The following LRP6 variants were observed in gnomAD, a reference collection of about 807,000 sequenced individuals.
The protein encoded by LRP6 is LDL receptor related protein 6.
LRP6 carries 43 observed loss-of-function variants against 184.1 expected under a neutral mutation model. The ratio of observed to expected loss-of-function variants is 0.23; its 90% CI spans 0.18 to 0.30. The LOEUF is 0.30. Ranked by LOEUF, LRP6 falls within the 10% of genes least tolerant of loss-of-function variation. LRP6 has a pLI of 1.00. For synonymous variants in LRP6, 719 were observed against 684.9 expected (o/e 1.05, Z -0.78); for missense variants, 1,571 against 2,005.3 (o/e 0.78, Z 4.14).
intron 2 of LRP6, among the ~76,000 whole-genome samples, chr12:12,236,623 G>T (rs927931824): frequency 6.6e-6 from 1 of 152,148 alleles, no homozygotes; most frequent in African/African-American, 2.4e-5. Context: ...CTCCAACACT[G>T]CAGGCACCCG....
chr12:12,132,965 T>A (rs1426670247), intron 17 of LRP6, among the ~76,000 whole-genome samples: 1 of 152,202 alleles, frequency 6.6e-6, no homozygotes, highest in African/African-American at 2.4e-5. Flanking sequence ...CCCATAACCT[T>A]ATGATGTGAC....
At chr12:12,131,248 C>T (rs1399014416) in intron 18 of LRP6, among the ~76,000 whole-genome samples, 1 of 152,038 alleles carries the variant, frequency 6.6e-6, no homozygotes, top group Admixed American at 6.6e-5. Flanking sequence ...GCTGGGACTA[C>T]AGGCGTCTGC....
At chr12:12,187,371 ACAAGATACCCGG>A (rs1235049023) in intron 3 of LRP6, 2 of 507,716 alleles carry the variant, frequency 3.9e-6, no homozygotes, top group East Asian at 7.3e-5. Context: ...CAAGTTCAGT[ACAAGATACCCGG>A]CAGAGAGAGA....
rs562136208 is a variant in LRP6 at position 12,118,333 on chromosome 12, C to A, written c.*2793G>T. On this transcript the variant is annotated 3_prime_UTR_variant, in exon 23 of 23. Transcript: ENST00000261349. The stretch of plus-strand genomic sequence containing the variant: ...AGGCCTTAGTTATAAAAGACCACTT[C>A]AATGCAGAATAGCTTACTGTGGTGC... The A allele has an allele frequency of 7.9e-5, 12 of 152,316 alleles. 1 individual carries two copies. In the South Asian group the frequency reaches 2.3e-3, roughly 29 times the overall value. 9.4% of individuals were successfully genotyped at this position (152,316 alleles called of 1,614,324 possible).
At chr12:12,166,374 G>A (rs1862878257) in intron 7 of LRP6, among the ~76,000 whole-genome samples, 1 of 152,274 alleles carries the variant, frequency 6.6e-6, no homozygotes, top group East Asian at 1.9e-4. Context: ...ACTTAACAGT[G>A]AACCTATGTC....
chr12:12,205,991 T>C (rs1864047042), intron 2 of LRP6, among the ~76,000 whole-genome samples: 1 of 152,240 alleles, frequency 6.6e-6, no homozygotes, highest in South Asian at 2.1e-4. Flanking sequence ...ATACCTTTTC[T>C]ATGTTTAGAT....
chr12:12,134,916 T>C (rs1161366428), intron 17 of LRP6, among the ~76,000 whole-genome samples: 9 of 152,148 alleles, frequency 5.9e-5, no homozygotes, highest in Admixed American at 5.2e-4. Context: ...AAGCTAGGCA[T>C]AGAAACACAA....
At chr12:12,249,381 A>G in intron 1 of LRP6, 1 of 978,402 alleles carries the variant, frequency 1.0e-6, no homozygotes, top group South Asian at 1.3e-5. Context: ...GTGTCTAAAG[A>G]AAATATGAAA....
intron 2 of LRP6, among the ~76,000 whole-genome samples, chr12:12,230,007 G>A (rs1483193022): frequency 6.6e-6 from 1 of 152,196 alleles, no homozygotes; most frequent in Non-Finnish European, 1.5e-5. Flanking sequence ...GGACCAGGCT[G>A]TTATATGCTG....
At chr12:12,251,125 G>T (rs1010509187) in intron 1 of LRP6, among the ~76,000 whole-genome samples, 1 of 151,858 alleles carries the variant, frequency 6.6e-6, no homozygotes, top group African/African-American at 2.4e-5. Flanking sequence ...TAGAGACGTG[G>T]TTTTGCCATG....
chr12:12,124,562 T>A lies in LRP6; in HGVS notation c.4547+3A>T. The A allele has an allele frequency of 6.3e-7, 1 of 1,587,874 alleles. No individual in the cohort carries two copies. The highest frequency in any genetic ancestry group is 8.6e-7 in the Non-Finnish European group (1 of 1,156,088). ...CCTTATTTTAGAGAAGGATGTGTAT[T>A]ACCTGTATGACCTATGAGTGGAAGG... On this transcript the variant is annotated splice_donor_region_variant and intron_variant, in intron 22 of 22. Transcript: ENST00000261349.
intron 1 of LRP6, among the ~76,000 whole-genome samples, chr12:12,248,118 G>C (rs1158387674): frequency 1.3e-5 from 2 of 152,058 alleles, no homozygotes; most frequent in East Asian, 3.9e-4. Flanking sequence ...CTTGTCCTCA[G>C]TCTCAAATGA....
At chr12:12,177,152 A>C (rs1376783114) in intron 7 of LRP6, among the ~76,000 whole-genome samples, 1 of 152,064 alleles carries the variant, frequency 6.6e-6, no homozygotes, top group Middle Eastern at 3.2e-3. Flanking sequence ...GGCCAACCAA[A>C]CAGACTCTTA....
intron 5 of LRP6, among the ~76,000 whole-genome samples, chr12:12,181,720 T>C (rs547676138): frequency 1.3e-5 from 2 of 152,316 alleles, no homozygotes; most frequent in East Asian, 1.9e-4. Context: ...CAATGAATAA[T>C]GACTATGTAA....
intron 1 of LRP6, among the ~76,000 whole-genome samples, chr12:12,248,732 G>C (rs1014447890): frequency 6.6e-6 from 1 of 151,772 alleles, no homozygotes; most frequent in Admixed American, 6.6e-5. Flanking sequence ...CGCCCGCCTC[G>C]GCCTCCCAAA....
At chr12:12,186,832 G>T in intron 4 of LRP6, 91 bp downstream of exon 4, 1 of 1,084,028 alleles carries the variant, frequency 9.2e-7, no homozygotes, top group Non-Finnish European at 1.4e-6. Context: ...CTTTGGATAT[G>T]CCCTCCCTCC....
chr12:12,224,322 A>G (rs148689889), intron 2 of LRP6, among the ~76,000 whole-genome samples: 29 of 152,232 alleles, frequency 1.9e-4, no homozygotes, highest in African/African-American at 6.3e-4. Context: ...TTTTACCACC[A>G]TTCTTCAAAC....
At chr12:12,244,816 A>G (rs894834240) in intron 1 of LRP6, among the ~76,000 whole-genome samples, 161 bp from the exon 2 acceptor site, 1 of 152,220 alleles carries the variant, frequency 6.6e-6, no homozygotes, top group Non-Finnish European at 1.5e-5. Context: ...ACAAAATATT[A>G]TTTTTGCAGC....
At chr12:12,161,550 C>T (rs547606441) in intron 10 of LRP6, among the ~76,000 whole-genome samples, 75 of 152,244 alleles carry the variant, frequency 4.9e-4, no homozygotes, top group African/African-American at 1.6e-3. Context: ...GGATTACAAG[C>T]GTGAGCCACC....
Sources: allele counts gnomAD v4.1 joint callset (sites outside exome capture counted in the v4.1 genomes callset), GRCh38; gene constraint gnomAD v4.1.1; transcripts MANE v1.5; gene names NCBI Gene and HGNC (gene_info 2026-07-23, HGNC 2026-07-21).